Variants in ADGRL2 observed in about 807,000 individuals in gnomAD.
The protein encoded by ADGRL2 is calcium-independent alpha-latrotoxin receptor 2.
A neutral mutation model predicts 157.4 loss-of-function variants in ADGRL2; 44 were observed. The observed-to-expected ratio is 0.28, with a 90% confidence interval of 0.22 to 0.36. ADGRL2 has a LOEUF of 0.36. Among genes scored for constraint, ADGRL2 ranks in the 10% least tolerant of loss-of-function variants. The pLI, the probability that ADGRL2 is intolerant of heterozygous loss-of-function variation, is 1.00. For synonymous variants in ADGRL2, 585 were observed against 624.7 expected (o/e 0.94, Z 0.95); for missense variants, 1,510 against 1,768.9 (o/e 0.85, Z 2.63).
chr1:81,719,904 G>C (rs2084241340), intron 1 of ADGRL2, among the ~76,000 whole-genome samples: 1 of 152,080 alleles, frequency 6.6e-6, no homozygotes, highest in African/African-American at 2.4e-5. Context: ...TTTAAAATGT[G>C]ATATGGGAGA....
At chr1:81,374,006 A>G (rs2101003444) in intron 1 of ADGRL2, among the ~76,000 whole-genome samples, 1 of 152,342 alleles carries the variant, frequency 6.6e-6, no homozygotes, top group South Asian at 2.1e-4. Flanking sequence ...ACCGTGGATA[A>G]GAAAGGCAGA....
intron 1 of ADGRL2, among the ~76,000 whole-genome samples, chr1:81,392,102 C>A (rs2076570004): frequency 6.6e-6 from 1 of 151,906 alleles, no homozygotes; most frequent in African/African-American, 2.4e-5. Context: ...TACTGTCAAC[C>A]ATTATACTGT....
intron 3 of ADGRL2, among the ~76,000 whole-genome samples, chr1:81,582,471 C>T (rs2080936081): frequency 6.6e-6 from 1 of 151,984 alleles, no homozygotes; most frequent in Admixed American, 6.6e-5. Flanking sequence ...TGTTGTGTGG[C>T]ATGTTCCTTA....
At chr1:81,332,301 A>G (rs1331979560) in intron 1 of ADGRL2, among the ~76,000 whole-genome samples, 2 of 152,138 alleles carry the variant, frequency 1.3e-5, no homozygotes, top group Non-Finnish European at 2.9e-5. Flanking sequence ...TCTGATAGAC[A>G]ACACAATTTC....
At chr1:81,533,953 T>A (rs2079668470) in intron 2 of ADGRL2, among the ~76,000 whole-genome samples, 1 of 152,150 alleles carries the variant, frequency 6.6e-6, no homozygotes, top group African/African-American at 2.4e-5. Flanking sequence ...GCACCTGGGC[T>A]ACGTTTAGAT....
intron 1 of ADGRL2, among the ~76,000 whole-genome samples, chr1:81,423,700 A>G (rs1194464067): frequency 1.3e-5 from 2 of 152,218 alleles, no homozygotes; most frequent in Non-Finnish European, 2.9e-5. Context: ...AATAATGAAG[A>G]TAGAAGCTTC....
chr1:81,865,019 C>T (rs896947650), intron 2 of ADGRL2, among the ~76,000 whole-genome samples: 4 of 151,948 alleles, frequency 2.6e-5, no homozygotes, highest in African/African-American at 9.7e-5. Flanking sequence ...ACAAAAAAAA[C>T]CTTACGGCTT....
chr1:81,578,282 T>C (rs2080836284), intron 2 of ADGRL2, among the ~76,000 whole-genome samples: 1 of 152,134 alleles, frequency 6.6e-6, no homozygotes, highest in African/African-American at 2.4e-5. Flanking sequence ...AGAGAGAACG[T>C]ACCAAATATT....
Position 81,993,850 on chromosome 1 carries a change from A to AT in ADGRL2, c.*2710dup, listed in dbSNP as rs1314361763. ...CACAACTGTGAACTTATAAAGTCAC[A>AT]TTTTTAAAGTTCTTCCTAGAGACAT... On this transcript the variant is annotated 3_prime_UTR_variant, in exon 24 of 24. Coordinates refer to ENST00000686636, the MANE Select transcript of ADGRL2 (RefSeq NM_001366006.2). 1.3e-5 allele frequency among the ~76,000 whole-genome samples: 2 copies of AT among 152,096 alleles called. No homozygotes were observed. The highest frequency in any genetic ancestry group is 4.8e-5 in the African/African-American group (2 of 41,414).
chr1:81,426,602 T>G (rs2077221301), intron 1 of ADGRL2: 1 of 476,910 alleles, frequency 2.1e-6, no homozygotes, highest in African/African-American at 2.0e-5. Context: ...CGACAGATGA[T>G]AGTTTAAGAG....
intron 2 of ADGRL2, among the ~76,000 whole-genome samples, chr1:81,471,834 T>C (rs577199244): frequency 4.6e-5 from 7 of 152,336 alleles, no homozygotes; most frequent in African/African-American, 1.7e-4. Flanking sequence ...CTCATAGTTA[T>C]GACAGTAATT....
At chr1:81,937,796 G>A (rs185127603) in intron 4 of ADGRL2, among the ~76,000 whole-genome samples, 138 of 151,810 alleles carry the variant, frequency 9.1e-4, no homozygotes, top group Middle Eastern at 3.4e-3. Context: ...TAATGAAACT[G>A]CTCTTTCCAG....
At chr1:81,673,510 ATTTTTT>A (rs35732882) in intron 3 of ADGRL2, among the ~76,000 whole-genome samples, 1 of 100,150 alleles carries the variant, frequency 1.0e-5, no homozygotes, top group South Asian at 3.5e-4. Flanking sequence ...TGTGCCTTCT[ATTTTTT>A]TTTTTTTTTT....
chr1:81,583,566 T>A (rs961725051), intron 3 of ADGRL2, among the ~76,000 whole-genome samples: 1 of 152,206 alleles, frequency 6.6e-6, no homozygotes, highest in East Asian at 1.9e-4. Flanking sequence ...TTACTTATTT[T>A]ACTCTTCACG....
At chr1:81,495,341 G>A (rs2078710028) in intron 2 of ADGRL2, among the ~76,000 whole-genome samples, 1 of 152,110 alleles carries the variant, frequency 6.6e-6, no homozygotes, top group Admixed American at 6.6e-5. Flanking sequence ...GTTTGTAAAA[G>A]TTATGGGCAA....
exon 1 of ADGRL2, chr1:81,306,169 T>A (rs1164872893): frequency 6.6e-6 from 1 of 152,222 alleles, no homozygotes; most frequent in Admixed American, 6.5e-5. Flanking sequence ...TCTGTTTCTC[T>A]TTCTCTCTCC....
At chr1:81,329,918 C>A (rs1009060469) in intron 1 of ADGRL2, among the ~76,000 whole-genome samples, 1 of 152,152 alleles carries the variant, frequency 6.6e-6, no homozygotes, top group African/African-American at 2.4e-5. Context: ...GATTAATTTT[C>A]TGACAGCTCT....
At chr1:81,928,518 T>C (rs550627452) in intron 3 of ADGRL2, among the ~76,000 whole-genome samples, 12 of 152,238 alleles carry the variant, frequency 7.9e-5, no homozygotes, top group Middle Eastern at 3.4e-3. Context: ...TTTTTTCTTT[T>C]ATTATTTTCT....
chr1:81,355,226 G>C (rs1663192744), intron 1 of ADGRL2, among the ~76,000 whole-genome samples: 1 of 152,060 alleles, frequency 6.6e-6, no homozygotes, highest in Non-Finnish European at 1.5e-5. Context: ...GGGCTTGGTG[G>C]CATGTGCCTG....
Sources: gnomAD v4.1 joint callset for allele counts (sites outside exome capture counted in the v4.1 genomes callset) on GRCh38, gnomAD v4.1.1 for gene constraint, MANE v1.5 for transcripts, NCBI Gene and HGNC (gene_info 2026-07-23, HGNC 2026-07-21) for gene names.